The following MGAT5 variants were observed in gnomAD, a reference collection of about 807,000 sequenced individuals.
MGAT5 encodes alpha-1,6-mannosylglycoprotein 6-beta-N-acetylglucosaminyltransferase A.
MGAT5 carries 30 observed loss-of-function variants against 94.3 expected under a neutral mutation model. That is an observed-to-expected ratio of 0.32 (90% CI 0.24 to 0.43). The LOEUF is 0.43. Among genes scored for constraint, MGAT5 ranks in the 20% least tolerant of loss-of-function variants. The pLI is 1.00. For synonymous variants in MGAT5, 310 were observed against 322.9 expected (o/e 0.96, Z 0.43); for missense variants, 691 against 905.5 (o/e 0.76, Z 3.04).
At chr2:134,301,147 T>C (rs1243402072) in intron 2 of MGAT5, among the ~76,000 whole-genome samples, 2 of 152,112 alleles carry the variant, frequency 1.3e-5, no homozygotes, top group Non-Finnish European at 2.9e-5. Context: ...TCCGGCCTCT[T>C]TTTCTCAGCA....
intron 1 of MGAT5, among the ~76,000 whole-genome samples, chr2:134,145,214 C>CTGTGTGTGTGTGTGTGTGTGTG (rs59065013): frequency 7.0e-4 from 101 of 143,866 alleles, no homozygotes; most frequent in African/African-American, 2.5e-3. Context: ...GTCTCTCTCT[C>CTGTGTGTGTGTGTGTGTGTGTG]TGTGTGTGTG....
At position 134,184,446 on chromosome 2, in the gene MGAT5, G is replaced by C. The variant is rs1688897887; in HGVS notation, c.-143+64155G>C. 3.9e-5 allele frequency among the ~76,000 whole-genome samples: 6 copies of C among 152,304 alleles called. No individual in the cohort carries two copies. The South Asian group carries it at 1.2e-3, about 32-fold the overall frequency. On this transcript the variant is annotated intron_variant, in intron 1 of 16. Coordinates refer to the MGAT5 transcript ENST00000409645. ...GGCATGTGCTCTTCTCTCTGCTGGG[G>C]ATGCCTTCCCCACCATCTTCTCTTT...
intron 2 of MGAT5, among the ~76,000 whole-genome samples, chr2:134,277,912 A>T (rs1477989384): frequency 6.6e-6 from 1 of 152,218 alleles, no homozygotes; most frequent in African/African-American, 2.4e-5. Context: ...ATCAATATTT[A>T]GCTCATCACG....
chr2:134,415,571 G>GCCTTTTCACTCTATTGATTGTTT (rs1683916593), intron 12 of MGAT5, among the ~76,000 whole-genome samples: 2 of 152,134 alleles, frequency 1.3e-5, no homozygotes, highest in African/African-American at 4.8e-5. Flanking sequence ...TCCATAGGTT[G>GCCTTTTCACTCTATTGATTGTTT]CCTTTTCACT....
chr2:134,156,845 C>T (rs62165699), intron 1 of MGAT5, among the ~76,000 whole-genome samples: 31,664 of 152,008 alleles, frequency 0.21, 3,647 homozygotes, highest in East Asian at 0.48. Context: ...TGGAGGGAGA[C>T]GGTGGTGTGG....
intron 2 of MGAT5, among the ~76,000 whole-genome samples, chr2:134,298,985 A>G (rs998480866): frequency 6.6e-6 from 1 of 152,326 alleles, no homozygotes; most frequent in South Asian, 2.1e-4. Context: ...TGTGAAAGTT[A>G]GTGTCCCATT....
intron 15 of MGAT5, among the ~76,000 whole-genome samples, chr2:134,444,272 C>T (rs1252018782): frequency 6.6e-6 from 1 of 152,162 alleles, no homozygotes; most frequent in Non-Finnish European, 1.5e-5. Flanking sequence ...CTCCCCACCT[C>T]CGTATCCATG....
At chr2:134,203,609 G>A (rs952247525) in intron 1 of MGAT5, among the ~76,000 whole-genome samples, 10 of 151,992 alleles carry the variant, frequency 6.6e-5, no homozygotes, top group African/African-American at 1.9e-4. Context: ...GGGGCTGATC[G>A]GGTCTCCATA....
At chr2:134,401,127 T>G (rs1292432867) in intron 10 of MGAT5, among the ~76,000 whole-genome samples, 1 of 151,864 alleles carries the variant, frequency 6.6e-6, no homozygotes, top group Non-Finnish European at 1.5e-5. Context: ...CTTGCAGTGG[T>G]GATGTTTTGG....
chr2:134,307,067 T>C (rs776163969), intron 2 of MGAT5, among the ~76,000 whole-genome samples: 32 of 152,258 alleles, frequency 2.1e-4, no homozygotes, highest in Non-Finnish European at 3.8e-4. Flanking sequence ...AGAACACAGA[T>C]TTTTATAGCT....
chr2:134,413,191 A>G (rs888879606), intron 12 of MGAT5, among the ~76,000 whole-genome samples, 176 bp downstream of exon 12: 7 of 152,148 alleles, frequency 4.6e-5, no homozygotes, highest in Non-Finnish European at 1.0e-4. Context: ...CAGGATTTGA[A>G]TCTACTTCTG....
intron 1 of MGAT5, among the ~76,000 whole-genome samples, chr2:134,248,001 C>G (rs962398934): frequency 6.6e-6 from 1 of 152,124 alleles, no homozygotes; most frequent in Non-Finnish European, 1.5e-5. Flanking sequence ...ATCTCACTGC[C>G]CTGCCCCCCT....
chr2:134,401,960 C>T (rs1450624209), intron 10 of MGAT5, among the ~76,000 whole-genome samples: 1 of 152,182 alleles, frequency 6.6e-6, no homozygotes, highest in South Asian at 2.1e-4. Context: ...TCCGGGCTTC[C>T]CTGCACTCTG....
intron 1 of MGAT5, among the ~76,000 whole-genome samples, chr2:134,173,550 G>A (rs2105129283): frequency 6.6e-6 from 1 of 152,366 alleles, no homozygotes; most frequent in Non-Finnish European, 1.5e-5. Context: ...GAGGCAGGCA[G>A]ACGTGTTGGC....
chr2:134,251,630 T>G (rs545677146), upstream of MGAT5, among the ~76,000 whole-genome samples: 54 of 152,344 alleles, frequency 3.5e-4, no homozygotes, highest in African/African-American at 1.3e-3. Flanking sequence ...TAAAAATTTT[T>G]TTAAATTTGA....
chr2:134,361,536 G>T (rs28598570), intron 9 of MGAT5, among the ~76,000 whole-genome samples: 153 of 152,290 alleles, frequency 1.0e-3, no homozygotes, highest in African/African-American at 3.6e-3. Context: ...TGGGGTTGCT[G>T]TCCCCCTTGG....
intron 10 of MGAT5, among the ~76,000 whole-genome samples, chr2:134,373,003 A>G (rs540103644): frequency 1.2e-4 from 19 of 152,330 alleles, no homozygotes; most frequent in African/African-American, 4.6e-4. Context: ...CTGCTCCAAT[A>G]GTGCTGGGAT....
At chr2:134,348,552 A>G (rs1433686888) in intron 8 of MGAT5, among the ~76,000 whole-genome samples, 1 of 152,176 alleles carries the variant, frequency 6.6e-6, no homozygotes, top group Non-Finnish European at 1.5e-5. Context: ...TTCCCCCTGA[A>G]TCATACATTG....
At chr2:134,328,536 C>T (rs907745111) in intron 4 of MGAT5, among the ~76,000 whole-genome samples, 2 of 152,144 alleles carry the variant, frequency 1.3e-5, no homozygotes, top group Non-Finnish European at 1.5e-5. Flanking sequence ...AACAGTAAAG[C>T]GCCGCGTAAG....
Sources: gnomAD v4.1 joint callset for allele counts (sites outside exome capture counted in the v4.1 genomes callset) on GRCh38, gnomAD v4.1.1 for gene constraint, MANE v1.5 for transcripts, NCBI Gene and HGNC (gene_info 2026-07-23, HGNC 2026-07-21) for gene names.